The following LRIG1 variants were observed in gnomAD, a reference collection of about 807,000 sequenced individuals.
The protein encoded by LRIG1 is leucine rich repeats and immunoglobulin like domains 1.
In LRIG1, 48 loss-of-function variants were observed where a neutral mutation model predicts 99.2. The ratio of observed to expected loss-of-function variants is 0.48; its 90% CI spans 0.38 to 0.62. The LOEUF (loss-of-function observed/expected upper bound fraction) is 0.62. LRIG1 is among the 20% of genes least tolerant of loss of function. LRIG1 has a pLI of 0.00. For synonymous variants in LRIG1, 772 were observed against 596.1 expected (o/e 1.29, Z -4.30); for missense variants, 1,646 against 1,434.4 (o/e 1.15, Z -2.38).
At chr3:66,381,098 T>C in intron 17 of LRIG1, 1 of 592,586 alleles carries the variant, frequency 1.7e-6, no homozygotes, top group African/African-American at 1.9e-5. Context: ...CAATGTAGTC[T>C]TACTGCTTCA....
intron 1 of LRIG1, chr3:66,498,399 C>G (rs1282880246): frequency 1.3e-5 from 2 of 152,058 alleles, no homozygotes; most frequent in Non-Finnish European, 2.9e-5. Context: ...GATCTTGTGA[C>G]CATAGGAAAG....
chr3:66,399,699 T>C (rs565835455), intron 9 of LRIG1, among the ~76,000 whole-genome samples: 69 of 152,126 alleles, frequency 4.5e-4, no homozygotes, highest in African/African-American at 1.6e-3. Flanking sequence ...GCCCAGGAGG[T>C]GGAGGCTGCA....
chr3:66,393,888 G>T (rs1325559989), intron 12 of LRIG1, 152 bp downstream of exon 12: 4 of 788,374 alleles, frequency 5.1e-6, no homozygotes, highest in Non-Finnish European at 8.2e-6. Flanking sequence ...ACTGTGTGTG[G>T]TTTCAGCAAG....
intron 3 of LRIG1, among the ~76,000 whole-genome samples, chr3:66,424,965 A>G (rs1702931507): frequency 6.6e-6 from 1 of 152,214 alleles, no homozygotes. Flanking sequence ...AGGTTGTGGT[A>G]TTCAGGAGGT....
At chr3:66,403,575 A>T (rs1702143787) in intron 9 of LRIG1, among the ~76,000 whole-genome samples, 1 of 152,144 alleles carries the variant, frequency 6.6e-6, no homozygotes, top group Admixed American at 6.5e-5. Flanking sequence ...GGAAGAGCTG[A>T]GCCTAGTCCA....
intron 1 of LRIG1, among the ~76,000 whole-genome samples, chr3:66,496,480 C>A (rs138306006): frequency 6.6e-6 from 1 of 152,228 alleles, no homozygotes; most frequent in Non-Finnish European, 1.5e-5. Flanking sequence ...ACAAGTTATC[C>A]CCCAACAAGA....
At chr3:66,449,868 A>G (rs1323061210) in intron 3 of LRIG1, among the ~76,000 whole-genome samples, 1 of 152,238 alleles carries the variant, frequency 6.6e-6, no homozygotes. Flanking sequence ...CTCGTGGACA[A>G]ACGGCCAGGG....
chr3:66,431,030 G>A (rs1010220547), intron 3 of LRIG1, among the ~76,000 whole-genome samples: 14 of 151,620 alleles, frequency 9.2e-5, no homozygotes, highest in Admixed American at 2.0e-4. Context: ...CTCAGCCCTC[G>A]TAGAGCACAG....
At chr3:66,437,581 T>C (rs1703402293) in intron 3 of LRIG1, among the ~76,000 whole-genome samples, 1 of 152,168 alleles carries the variant, frequency 6.6e-6, no homozygotes. Flanking sequence ...CCACCTTGAA[T>C]AAGTATCTAA....
chr3:66,446,245 G>A (rs1046491217), intron 3 of LRIG1, among the ~76,000 whole-genome samples: 1 of 151,984 alleles, frequency 6.6e-6, no homozygotes, highest in East Asian at 1.9e-4. Context: ...CCCACCCAGG[G>A]CTTCGTCCAC....
At chr3:66,495,306 C>A (rs750440701) in intron 1 of LRIG1, among the ~76,000 whole-genome samples, 1 of 152,346 alleles carries the variant, frequency 6.6e-6, no homozygotes, top group Middle Eastern at 3.4e-3. Context: ...TGTCTCAAGA[C>A]AATGCCATCA....
chr3:66,487,411 G>A (rs148105405), intron 1 of LRIG1, among the ~76,000 whole-genome samples: 39 of 152,268 alleles, frequency 2.6e-4, no homozygotes, highest in African/African-American at 9.4e-4. Context: ...ACACTTCAGG[G>A]GTAAACCTCA....
At chr3:66,436,766 C>G (rs62245370) in intron 3 of LRIG1, among the ~76,000 whole-genome samples, 1 of 152,116 alleles carries the variant, frequency 6.6e-6, no homozygotes, top group African/African-American at 2.4e-5. Context: ...GCCAGGGGAA[C>G]GTGAGGAGTG....
intron 1 of LRIG1, among the ~76,000 whole-genome samples, chr3:66,486,686 C>T (rs902647917): frequency 1.3e-5 from 2 of 152,184 alleles, no homozygotes; most frequent in East Asian, 1.9e-4. Context: ...GTGTGGCTAT[C>T]GTATTGTTTT....
chr3:66,444,475 T>C (rs1703651436), intron 3 of LRIG1, among the ~76,000 whole-genome samples: 1 of 151,552 alleles, frequency 6.6e-6, no homozygotes, highest in African/African-American at 2.4e-5. Flanking sequence ...AGTGGAAATT[T>C]ACTGTCCCCC....
chr3:66,381,303 G>A (rs1410774927), intron 17 of LRIG1, among the ~76,000 whole-genome samples, 176 bp downstream of exon 17: 2 of 152,058 alleles, frequency 1.3e-5, no homozygotes, highest in African/African-American at 4.8e-5. Context: ...GATTTATTTA[G>A]GAGAAACTAT....
At chr3:66,444,603 T>C (rs1466579091) in intron 3 of LRIG1, among the ~76,000 whole-genome samples, 1 of 152,186 alleles carries the variant, frequency 6.6e-6, no homozygotes, top group African/African-American at 2.4e-5. Flanking sequence ...CATCATCACC[T>C]GGGAACTCAT....
chr3:66,468,527 A>G (rs114486641), intron 1 of LRIG1, among the ~76,000 whole-genome samples: 1,549 of 152,316 alleles, frequency 0.01, 29 homozygotes, highest in African/African-American at 0.036. Context: ...AGTATTTTGC[A>G]TATTTTAAGC....
chr3:66,424,696 C>G (rs1702922721), intron 3 of LRIG1, among the ~76,000 whole-genome samples: 1 of 152,196 alleles, frequency 6.6e-6, no homozygotes, highest in African/African-American at 2.4e-5. Context: ...AAGGTAGGTA[C>G]TATTATCTTT....
Sources: allele counts gnomAD v4.1 joint callset (sites outside exome capture counted in the v4.1 genomes callset), GRCh38; gene constraint gnomAD v4.1.1; transcripts MANE v1.5; gene names NCBI Gene and HGNC (gene_info 2026-07-23, HGNC 2026-07-21).